The following TRIO variants were observed in gnomAD, a reference collection of about 807,000 sequenced individuals.
TRIO encodes triple functional domain protein.
TRIO carries 58 observed loss-of-function variants against 351.9 expected under a neutral mutation model. The observed-to-expected ratio is 0.16, with a 90% confidence interval of 0.13 to 0.21. The LOEUF (loss-of-function observed/expected upper bound fraction) is 0.21. Ranked by LOEUF, TRIO falls within the 10% of genes least tolerant of loss-of-function variation. TRIO has a pLI of 1.00. For missense variants in TRIO, 3,201 were observed against 4,027.8 expected (o/e 0.79, Z 5.56); for synonymous variants, 1,758 against 1,595.7 (o/e 1.10, Z -2.42).
intron 1 of TRIO, among the ~76,000 whole-genome samples, chr5:14,207,711 C>CAGAG (rs372248634): frequency 3.0e-4 from 45 of 149,130 alleles, no homozygotes; most frequent in Non-Finnish European, 4.2e-4. Flanking sequence ...GACCTTGTCT[C>CAGAG]AGAGAGAGAG....
chr5:14,172,740 A>G, intron 1 of TRIO, among the ~76,000 whole-genome samples: 1 of 152,366 alleles, frequency 6.6e-6, no homozygotes, highest in South Asian at 2.1e-4. Flanking sequence ...GAATGGGGAT[A>G]AGCTGAGGGA....
intron 29 of TRIO, among the ~76,000 whole-genome samples, chr5:14,397,594 A>C (rs1343472344): frequency 6.6e-6 from 1 of 152,246 alleles, no homozygotes; most frequent in Non-Finnish European, 1.5e-5. Flanking sequence ...AACATGGTAA[A>C]GAGAAAATTA....
At chr5:14,175,150 C>T (rs1789331286) in intron 1 of TRIO, among the ~76,000 whole-genome samples, 1 of 152,192 alleles carries the variant, frequency 6.6e-6, no homozygotes, top group Non-Finnish European at 1.5e-5. Context: ...CAGATTGCCA[C>T]TAGTTAGAAA....
intron 33 of TRIO, among the ~76,000 whole-genome samples, chr5:14,412,595 T>C (rs1252938745): frequency 2.6e-5 from 4 of 152,228 alleles, no homozygotes; most frequent in Non-Finnish European, 4.4e-5. Flanking sequence ...CCCTTCCCTC[T>C]GGCTGGAGCT....
At chr5:14,500,463 T>C (rs1757207173) in intron 53 of TRIO, among the ~76,000 whole-genome samples, 1 of 152,152 alleles carries the variant, frequency 6.6e-6, no homozygotes. Flanking sequence ...GAGTCTGGGC[T>C]ATGAGAGGGG....
intron 11 of TRIO, among the ~76,000 whole-genome samples, chr5:14,344,063 G>C (rs1483287297): frequency 6.6e-6 from 1 of 152,190 alleles, no homozygotes; most frequent in African/African-American, 2.4e-5. Context: ...GCTCTTTAGT[G>C]CATTAAATTC....
intron 11 of TRIO, among the ~76,000 whole-genome samples, chr5:14,340,532 C>T (rs1400531716): frequency 1.3e-5 from 2 of 152,146 alleles, no homozygotes; most frequent in Non-Finnish European, 2.9e-5. Flanking sequence ...CAGTGGCTCT[C>T]GTCCTCACTT....
chr5:14,390,834 A>C (rs1293279691), intron 26 of TRIO, 67 bp from the exon 27 acceptor site: 2 of 1,354,440 alleles, frequency 1.5e-6, no homozygotes, highest in African/African-American at 3.0e-5. Context: ...CTTCTTTTCT[A>C]TATGAAAGTT....
chr5:14,435,801 A>G (rs1305293553), intron 34 of TRIO, among the ~76,000 whole-genome samples: 1 of 152,106 alleles, frequency 6.6e-6, no homozygotes, highest in South Asian at 2.1e-4. Context: ...CGTGCTCCCA[A>G]CTTGTTTTAG....
At chr5:14,451,207 T>C (rs1205153542) in intron 34 of TRIO, among the ~76,000 whole-genome samples, 1 of 152,212 alleles carries the variant, frequency 6.6e-6, no homozygotes, top group Admixed American at 6.5e-5. Context: ...TTATAATCAC[T>C]GTGTAAGATG....
chr5:14,254,448 C>A (rs890032062), intron 1 of TRIO, among the ~76,000 whole-genome samples: 1 of 152,190 alleles, frequency 6.6e-6, no homozygotes, highest in Admixed American at 6.5e-5. Context: ...GGGCTTCAAA[C>A]CCTCAGAAAC....
chr5:14,326,443 T>C (rs7710935), intron 9 of TRIO, among the ~76,000 whole-genome samples: 11,842 of 152,290 alleles, frequency 0.078, 638 homozygotes, highest in African/African-American at 0.16. Flanking sequence ...GGAACAACCG[T>C]GACCTTGGGA....
chr5:14,347,731 G>A (rs952847120), intron 11 of TRIO, among the ~76,000 whole-genome samples: 4 of 152,200 alleles, frequency 2.6e-5, no homozygotes, highest in African/African-American at 7.2e-5. Context: ...AGTGCTGGAG[G>A]GAGTTTCTAG....
chr5:14,161,058 C>T lies in TRIO; in HGVS notation c.157+17176C>T, dbSNP rs141059134. 2.9e-3 allele frequency among the ~76,000 whole-genome samples: 437 copies of T among 152,190 alleles called. 5 individuals are homozygous for T. Among genetic ancestry groups the T allele is most frequent in the Middle Eastern group, 0.014 (4 of 294 alleles). On this transcript the variant is annotated intron_variant, in intron 1 of 56. Coordinates refer to ENST00000344204, the MANE Select transcript of TRIO (RefSeq NM_007118.4). ...CCTTGTAACTGGGATTACAGGCATGCGCCACCACACCCGGCTAATTTTTGT... is the reference window on the plus strand; with the variant it reads ...CCTTGTAACTGGGATTACAGGCATGTGCCACCACACCCGGCTAATTTTTGT...
chr5:14,266,508 A>T (rs1795687404), intron 1 of TRIO, among the ~76,000 whole-genome samples: 1 of 152,256 alleles, frequency 6.6e-6, no homozygotes. Flanking sequence ...AAGGAATAGA[A>T]GTGATTTGGG....
In TRIO at chr5:14,252,701, G is replaced by A. The variant is rs1581451637; in HGVS notation, c.158-18124G>A. 3.9e-5 allele frequency among the ~76,000 whole-genome samples: 6 copies of A among 152,324 alleles called. No homozygotes were observed. The South Asian group carries it at 1.2e-3, about 32-fold the overall frequency. On this transcript the variant is annotated intron_variant, in intron 1 of 56. Coordinates refer to ENST00000344204, the MANE Select transcript of TRIO (RefSeq NM_007118.4). ...ATGGGGTTACTTGTATATAAACCAG[G>A]AATACAGATTTTTATTTTTAAACCA...
intron 21 of TRIO, among the ~76,000 whole-genome samples, chr5:14,386,696 T>C (rs1338869677): frequency 6.6e-6 from 1 of 152,330 alleles, no homozygotes; most frequent in East Asian, 1.9e-4. Context: ...AAATGGTATA[T>C]ATAACTTGTT....
At chr5:14,401,831 C>T (rs2152376082) in intron 31 of TRIO, among the ~76,000 whole-genome samples, 1 of 152,220 alleles carries the variant, frequency 6.6e-6, no homozygotes, top group Admixed American at 6.5e-5. Flanking sequence ...GACGGTGGAG[C>T]TAAGGCTTAT....
Position 14,209,421 on chromosome 5 carries a change from G to A in TRIO, c.158-61404G>A, listed in dbSNP as rs116487561. Among the ~76,000 whole-genome samples the A allele has an allele frequency of 3.2e-3, 483 of 152,298 alleles. 3 individuals carry two copies. The highest frequency in any genetic ancestry group is 0.011 in the African/African-American group (449 of 41,566). ...GAAGTCACCATCTGTGGCCTGTCAC[G>A]TGTCATGTCTCTACTCCCTCAATTA... is the stretch of plus-strand genomic sequence containing the variant. On this transcript the variant is annotated intron_variant, in intron 1 of 56. Coordinates refer to ENST00000344204, the MANE Select transcript of TRIO (RefSeq NM_007118.4).
Sources: gnomAD v4.1 joint callset for allele counts (sites outside exome capture counted in the v4.1 genomes callset) on GRCh38, gnomAD v4.1.1 for gene constraint, MANE v1.5 for transcripts, NCBI Gene and HGNC (gene_info 2026-07-23, HGNC 2026-07-21) for gene names.